Variants in TRAK1 observed in about 807,000 individuals in gnomAD.
TRAK1 encodes the protein trafficking kinesin-binding protein 1.
In TRAK1, 33 loss-of-function variants were observed where a neutral mutation model predicts 92.1. That is an observed-to-expected ratio of 0.36 (90% CI 0.27 to 0.48). The LOEUF (loss-of-function observed/expected upper bound fraction) is 0.48. TRAK1 is among the 20% of genes least tolerant of loss of function. The pLI, the probability that TRAK1 is intolerant of heterozygous loss-of-function variation, is 0.99. For missense variants in TRAK1, 1,123 were observed against 1,257.9 expected, an observed-to-expected ratio of 0.89 and a Z score of 1.62; for synonymous variants, 521 against 517.3, an observed-to-expected ratio of 1.01 and a Z score of -0.10.
At chr3:42,148,476 A>AT (rs906834186) in intron 2 of TRAK1, among the ~76,000 whole-genome samples, 22 of 152,306 alleles carry the variant, frequency 1.4e-4, no homozygotes, top group African/African-American at 4.8e-4. Context: ...TATTAACTGT[A>AT]TTTTTTAAGG....
chr3:42,087,894 A>C (rs370237165), upstream of TRAK1, among the ~76,000 whole-genome samples: 57 of 152,356 alleles, frequency 3.7e-4, no homozygotes, highest in African/African-American at 1.2e-3. Flanking sequence ...TACCTGTGTC[A>C]GTCATAACTC....
In TRAK1 at chr3:42,096,747, A is replaced by G. The variant is rs74923199; in HGVS notation, c.91+5187A>G. Among the ~76,000 whole-genome samples, 1,121 of 152,364 alleles carry G rather than the reference A, an allele frequency of 7.4e-3. 52 individuals are homozygous for G. In the East Asian group the frequency reaches 0.13, roughly 17 times the overall value. ...GGGGCAGCCACAAAGGCAGTGAAGC[A>G]TGCTGGCTACTCAAGGGTCCAAGAC... On this transcript the variant is annotated intron_variant, in intron 1 of 15. Transcript: ENST00000327628.
intron 10 of TRAK1, among the ~76,000 whole-genome samples, chr3:42,198,874 TG>T (rs1214479488): frequency 1.3e-5 from 2 of 152,056 alleles, no homozygotes; most frequent in Non-Finnish European, 2.9e-5. Flanking sequence ...CTCGTAGCCA[TG>T]GTTACAGCTC....
intron 3 of TRAK1, among the ~76,000 whole-genome samples, chr3:42,178,659 G>A (rs1235130280): frequency 1.3e-5 from 2 of 152,056 alleles, no homozygotes; most frequent in Admixed American, 6.6e-5. Context: ...TGCCCAGGCT[G>A]ATATTAAACT....
At chr3:42,191,492 C>T (rs1705728374) in intron 6 of TRAK1, 66 bp from the exon 7 acceptor site, 1 of 1,476,214 alleles carries the variant, frequency 6.8e-7, no homozygotes, top group Non-Finnish European at 9.2e-7. Flanking sequence ...CTTTATGCCT[C>T]AGCCCTTGCC....
At chr3:42,194,456 C>T (rs772713337) in intron 9 of TRAK1, among the ~76,000 whole-genome samples, 1 of 151,790 alleles carries the variant, frequency 6.6e-6, no homozygotes, top group Non-Finnish European at 1.5e-5. Flanking sequence ...AGGCTGGTCT[C>T]AGCTTCTGTG....
intron 2 of TRAK1, chr3:42,149,315 C>T (rs1699682662): frequency 1.4e-6 from 2 of 1,419,174 alleles, no homozygotes; most frequent in African/African-American, 2.9e-5. Flanking sequence ...GCCTTCCTTT[C>T]TGCTCCTCCT....
At chr3:42,098,616 A>G (rs1347653110) in intron 1 of TRAK1, among the ~76,000 whole-genome samples, 1 of 152,122 alleles carries the variant, frequency 6.6e-6, no homozygotes, top group African/African-American at 2.4e-5. Flanking sequence ...CTTTGGGGTG[A>G]CTGGAAGCTG....
chr3:42,132,628 A>T (rs1408529908), intron 2 of TRAK1, among the ~76,000 whole-genome samples: 1 of 151,972 alleles, frequency 6.6e-6, no homozygotes, highest in Non-Finnish European at 1.5e-5. Context: ...TCCGTGGTGG[A>T]TACAGAGGCC....
At chr3:42,033,284 G>A (rs973432564) in intron 1 of TRAK1, among the ~76,000 whole-genome samples, 5 of 152,164 alleles carry the variant, frequency 3.3e-5, no homozygotes, top group East Asian at 1.9e-4. Flanking sequence ...CATAAATAAT[G>A]CAATCTATGC....
intron 1 of TRAK1, among the ~76,000 whole-genome samples, chr3:42,063,559 G>A (rs561629765): frequency 2.0e-5 from 3 of 152,068 alleles, no homozygotes; most frequent in Non-Finnish European, 2.9e-5. Flanking sequence ...GGTGGGACAC[G>A]CCTGTAGCCC....
intron 1 of TRAK1, among the ~76,000 whole-genome samples, chr3:42,046,988 A>G (rs1422204943): frequency 6.6e-6 from 1 of 152,156 alleles, no homozygotes; most frequent in African/African-American, 2.4e-5. Context: ...AACTGATTAG[A>G]ATGGAAGATA....
intron 2 of TRAK1, chr3:42,160,094 C>T: frequency 9.8e-7 from 1 of 1,015,650 alleles, no homozygotes. Flanking sequence ...AGGGCATTCC[C>T]ACCCCGCCAA....
chr3:42,208,045 G>A (rs982651538), intron 13 of TRAK1, among the ~76,000 whole-genome samples: 1 of 152,158 alleles, frequency 6.6e-6, no homozygotes, highest in Non-Finnish European at 1.5e-5. Flanking sequence ...TGTCCCTGGG[G>A]GAGTGGGGTA....
chr3:42,193,702 G>A (rs1706160955), intron 8 of TRAK1, 122 bp from the exon 9 acceptor site: 2 of 1,038,014 alleles, frequency 1.9e-6, no homozygotes, highest in Non-Finnish European at 3.0e-6. Context: ...CAGAATTTGA[G>A]TATAAGATGA....
At chr3:42,176,397 T>C (rs1187729200) in intron 2 of TRAK1, among the ~76,000 whole-genome samples, 1 of 152,224 alleles carries the variant, frequency 6.6e-6, no homozygotes, top group Admixed American at 6.5e-5. Flanking sequence ...TCTGTTCGTA[T>C]GGTTGGGTCT....
At chr3:42,027,490 T>A (rs1277532003) in intron 1 of TRAK1, among the ~76,000 whole-genome samples, 4 of 151,408 alleles carry the variant, frequency 2.6e-5, no homozygotes, top group African/African-American at 9.7e-5. Flanking sequence ...GCCACTGCCC[T>A]CTAGCCTGGG....
intron 2 of TRAK1, among the ~76,000 whole-genome samples, chr3:42,143,971 G>A (rs1699017098): frequency 6.6e-6 from 1 of 152,122 alleles, no homozygotes; most frequent in South Asian, 2.1e-4. Flanking sequence ...TGTTTCCTTT[G>A]TGCTTATTTA....
intron 1 of TRAK1, among the ~76,000 whole-genome samples, chr3:42,103,527 G>A (rs541634858): frequency 6.6e-6 from 1 of 152,238 alleles, no homozygotes; most frequent in South Asian, 2.1e-4. Flanking sequence ...TCTTGATTCC[G>A]ACAGGCTTGC....
Sources: allele counts gnomAD v4.1 joint callset (sites outside exome capture counted in the v4.1 genomes callset), GRCh38; gene constraint gnomAD v4.1.1; transcripts MANE v1.5; gene names NCBI Gene and HGNC (gene_info 2026-07-23, HGNC 2026-07-21).